Variants in REEP5 observed in about 807,000 individuals in gnomAD.
REEP5 encodes receptor expression-enhancing protein 5.
A neutral mutation model predicts 22.4 loss-of-function variants in REEP5; 24 were observed. The observed-to-expected ratio is 1.07, with a 90% confidence interval of 0.78 to 1.51. REEP5 has a LOEUF of 1.51. Ranked by LOEUF, REEP5 falls within the 40% of genes most tolerant of loss-of-function variation. REEP5 has a pLI of 0.00. For synonymous variants in REEP5, 103 were observed against 88.6 expected (o/e 1.16, Z -0.92); for missense variants, 252 against 233.0 (o/e 1.08, Z -0.53).
intron 2 of REEP5, among the ~76,000 whole-genome samples, chr5:112,904,567 G>A (rs927933183): frequency 1.3e-5 from 2 of 152,156 alleles, no homozygotes; most frequent in African/African-American, 2.4e-5. Flanking sequence ...AGAATATGAC[G>A]TAAAAACCTC....
At chr5:112,878,875 C>T in intron 4 of REEP5, 40 bp from the exon 5 acceptor site, 1 of 1,613,526 alleles carries the variant, frequency 6.2e-7, no homozygotes, top group Non-Finnish European at 8.5e-7. Flanking sequence ...TATATCAAAG[C>T]TCTTTCTTTG....
intron 4 of REEP5, among the ~76,000 whole-genome samples, chr5:112,881,074 A>C (rs1406813334): frequency 7.4e-6 from 1 of 135,414 alleles, no homozygotes; most frequent in East Asian, 2.3e-4. Context: ...GGCTGCAGTG[A>C]GCTGAGATCA....
intron 2 of REEP5, among the ~76,000 whole-genome samples, chr5:112,904,640 C>T (rs565349785): frequency 2.0e-4 from 31 of 152,138 alleles, no homozygotes; most frequent in Non-Finnish European, 3.8e-4. Flanking sequence ...CCACAACCCT[C>T]GGTAAGCATA....
chr5:112,915,601 T>C (rs1195144277), intron 2 of REEP5, among the ~76,000 whole-genome samples: 1 of 152,222 alleles, frequency 6.6e-6, no homozygotes, highest in Non-Finnish European at 1.5e-5. Context: ...AAATTAAAGA[T>C]TTAAATGTTT....
intron 3 of REEP5, chr5:112,892,347 A>C: frequency 2.5e-6 from 4 of 1,614,128 alleles, no homozygotes; most frequent in Non-Finnish European, 3.4e-6. Context: ...GCGAGGAAGA[A>C]ACCTACCAAC....
At chr5:112,890,297 C>T (rs1374813574) in intron 3 of REEP5, among the ~76,000 whole-genome samples, 1 of 142,300 alleles carries the variant, frequency 7.0e-6, no homozygotes, top group African/African-American at 2.7e-5. Flanking sequence ...CTCAAAAAGA[C>T]AAAAAAAAGT....
chr5:112,909,659 G>T (rs1187497346), intron 2 of REEP5, among the ~76,000 whole-genome samples: 1 of 152,104 alleles, frequency 6.6e-6, no homozygotes, highest in Non-Finnish European at 1.5e-5. Context: ...ATTGGCATTG[G>T]ACTGGTACAT....
intron 2 of REEP5, among the ~76,000 whole-genome samples, chr5:112,917,196 T>C (rs562287564): frequency 7.9e-5 from 12 of 152,354 alleles, no homozygotes; most frequent in Non-Finnish European, 1.0e-4. Context: ...AGATTACAGA[T>C]GTGGGCCATC....
chr5:112,887,211 A>T, intron 3 of REEP5, 28 bp from the exon 4 acceptor site: 1 of 1,538,786 alleles, frequency 6.5e-7, no homozygotes, highest in Non-Finnish European at 8.8e-7. Flanking sequence ...CAGCATGGGT[A>T]ACAGGAGGGT....
At chr5:112,884,539 G>A (rs779161692) in intron 4 of REEP5, among the ~76,000 whole-genome samples, 15 of 151,816 alleles carry the variant, frequency 9.9e-5, no homozygotes, top group Admixed American at 2.6e-4. Context: ...CACAACGTCC[G>A]GCTAATTTTT....
Position 112,878,693 on chromosome 5 carries a change from C to T in REEP5, c.*93G>A, listed in dbSNP as rs1014298182. 3.9e-6 allele frequency: 6 copies of T among 1,526,958 alleles called. No homozygotes were observed. Among genetic ancestry groups the T allele is most frequent in the South Asian group, 2.4e-5 (2 of 82,650 alleles). The allele number at this position is 1,526,958 out of a possible 1,614,324, so 94.6% of individuals were successfully genotyped here. A position where few individuals can be genotyped will look rare whatever the true frequency, so the allele number is the denominator to read the frequency against. On this transcript the variant is annotated 3_prime_UTR_variant, in exon 5 of 5. Transcript: ENST00000379638. ...TATCTCAAAAATGTTTCCAAGGCAA[C>T]ATTATTAAAATAATTATACCACAGT... is the stretch of plus-strand genomic sequence containing the variant.
chr5:112,886,655 T>G (rs1193851568), intron 4 of REEP5, among the ~76,000 whole-genome samples: 1 of 152,220 alleles, frequency 6.6e-6, no homozygotes, highest in East Asian at 1.9e-4. Flanking sequence ...CTTTCTCCAT[T>G]TATTTAAAAC....
intron 2 of REEP5, among the ~76,000 whole-genome samples, chr5:112,908,101 G>C (rs7710836): frequency 4.8e-5 from 4 of 83,896 alleles, no homozygotes; most frequent in African/African-American, 1.5e-4. Flanking sequence ...TTTGTTTTTT[G>C]TTTTTTTTTT....
chr5:112,900,771 G>A, intron 3 of REEP5, among the ~76,000 whole-genome samples: 1 of 152,042 alleles, frequency 6.6e-6, no homozygotes, highest in East Asian at 1.9e-4. Flanking sequence ...GTGCCTGATG[G>A]GATAGCTGAT....
intron 2 of REEP5, among the ~76,000 whole-genome samples, chr5:112,920,543 C>T (rs1769332837): frequency 2.0e-5 from 3 of 152,080 alleles, no homozygotes; most frequent in Non-Finnish European, 2.9e-5. Context: ...AGATCCTAAT[C>T]GTAAAAATTC....
intron 2 of REEP5, among the ~76,000 whole-genome samples, chr5:112,908,057 T>C (rs1768994286): frequency 6.6e-6 from 1 of 151,344 alleles, no homozygotes; most frequent in African/African-American, 2.4e-5. Context: ...GGGGGAGATT[T>C]CCATTTGGAA....
intron 3 of REEP5, among the ~76,000 whole-genome samples, chr5:112,901,108 G>A (rs1768830906): frequency 6.6e-6 from 1 of 152,074 alleles, no homozygotes; most frequent in Non-Finnish European, 1.5e-5. Context: ...CAAAGTGCTA[G>A]AATTGCAGGC....
In REEP5 at chr5:112,894,632, A is replaced by G. The variant is rs936676431; in HGVS notation, c.352-7449T>C. 5 of 152,222 alleles carry G rather than the reference A, an allele frequency of 3.3e-5. No individual in the cohort carries two copies. In the East Asian group the frequency reaches 7.7e-4, roughly 23 times the overall value. 9.4% of individuals were successfully genotyped at this position (152,222 alleles called of 1,614,324 possible). A position where few individuals can be genotyped will look rare whatever the true frequency, so the allele number is the denominator to read the frequency against. ...GCTATGTATTCCTGCACACAGAGCAATTGTTACTTACTATATTAACTATTT... is the reference window on the plus strand; with the variant it reads ...GCTATGTATTCCTGCACACAGAGCAGTTGTTACTTACTATATTAACTATTT... On this transcript the variant is annotated intron_variant, in intron 3 of 4. Transcript: ENST00000379638.
At chr5:112,879,506 C>T (rs1768004366) in intron 4 of REEP5, among the ~76,000 whole-genome samples, 2 of 152,176 alleles carry the variant, frequency 1.3e-5, no homozygotes, top group South Asian at 4.1e-4. Flanking sequence ...CGGAGTCTCG[C>T]TCTGTCACCC....
Sources: gnomAD v4.1 joint callset for allele counts (sites outside exome capture counted in the v4.1 genomes callset) on GRCh38, gnomAD v4.1.1 for gene constraint, MANE v1.5 for transcripts, NCBI Gene and HGNC (gene_info 2026-07-23, HGNC 2026-07-21) for gene names.